ZNF667: variants seen among roughly 807,000 people sequenced by gnomAD.
ZNF667 encodes the protein zinc finger protein 667.
A neutral mutation model predicts 31.8 loss-of-function variants in ZNF667; 13 were observed. That is an observed-to-expected ratio of 0.41 (90% CI 0.27 to 0.65). The LOEUF (loss-of-function observed/expected upper bound fraction) is 0.65. ZNF667 is among the 30% of genes least tolerant of loss of function. ZNF667 has a pLI of 0.32. For synonymous variants in ZNF667, 228 were observed against 247.1 expected (o/e 0.92, Z 0.73); for missense variants, 642 against 725.6 (o/e 0.88, Z 1.32).
chr19:56,472,648 CT>C (rs2043317204), intron 2 of ZNF667: 1 of 152,078 alleles, frequency 6.6e-6, no homozygotes, highest in South Asian at 2.1e-4. Flanking sequence ...ATATATTTTC[CT>C]TATGATTTTC....
chr19:56,462,796 C>T (rs1020293949), intron 3 of ZNF667, among the ~76,000 whole-genome samples: 1 of 152,206 alleles, frequency 6.6e-6, no homozygotes, highest in African/African-American at 2.4e-5. Flanking sequence ...AAGCACCTTA[C>T]ATTCCAGTAG....
chr19:56,469,914 C>T (rs543777195), intron 3 of ZNF667: 47 of 491,240 alleles, frequency 9.6e-5, no homozygotes, highest in African/African-American at 8.3e-4. Flanking sequence ...CTTCCCTCAC[C>T]CACTAAACCG....
chr19:56,462,842 T>C (rs2043076070), intron 3 of ZNF667, among the ~76,000 whole-genome samples: 1 of 152,126 alleles, frequency 6.6e-6, no homozygotes, highest in Non-Finnish European at 1.5e-5. Flanking sequence ...ATGATGGACA[T>C]GGTCATTGCT....
intron 4 of ZNF667, 109 bp downstream of exon 4, chr19:56,462,229 G>A: frequency 7.2e-7 from 1 of 1,390,906 alleles, no homozygotes; most frequent in African/African-American, 1.4e-5. Flanking sequence ...AAGACTAGGT[G>A]TTGGATGGAT....
At position 56,470,034 on chromosome 19, in the gene ZNF667, A is replaced by G. The variant is rs1473739454; in HGVS notation, c.-60+1665T>C. ...TTTATCTCTTGTCCTCCACCGGACA[A>G]TGCATTGACCAATGTTCTCATGTGT... is the stretch of plus-strand genomic sequence containing the variant. On this transcript the variant is annotated intron_variant, in intron 3 of 6. Coordinates refer to ENST00000504904, the MANE Select transcript of ZNF667 (RefSeq NM_001321356.2). The G allele has an allele frequency of 1.3e-5, 6 of 457,850 alleles. No individual in the cohort carries two copies. In the Admixed American group the frequency reaches 1.4e-4, roughly 11 times the overall value. The allele number at this position is 457,850 out of a possible 1,614,324, so 28.4% of individuals were successfully genotyped here.
At chr19:56,462,284 A>G in intron 4 of ZNF667, 54 bp downstream of exon 4, 1 of 1,609,088 alleles carries the variant, frequency 6.2e-7, no homozygotes, top group East Asian at 2.2e-5. Context: ...CAAATGGTCC[A>G]CATCTCACAA....
At chr19:56,447,562 G>GT (rs553084033) in intron 6 of ZNF667, among the ~76,000 whole-genome samples, 4 of 152,078 alleles carry the variant, frequency 2.6e-5, no homozygotes, top group Admixed American at 1.3e-4. Context: ...TCCAGCCTGG[G>GT]TAACAGAAGA....
In ZNF667 at chr19:56,442,159, T is replaced by G. The variant is rs2042620309; in HGVS notation, c.836A>C (p.Lys279Thr). Residue 279 changes from lysine to threonine, a missense_variant, in exon 7 of 7, where the codon AAA (lysine) becomes ACA (threonine). By Grantham distance (78) the Lys-to-Thr change is moderately conservative (BLOSUM62 -1). Coordinates refer to ENST00000504904, the MANE Select transcript of ZNF667 (RefSeq NM_001321356.2). ...LLHKKIHNGK[K>T]THKYNKCGRG... ...CCCACATTTATTATATTTATGTGTT[T>G]TCTTTCCATTGTGAATTTTCTTATG... is the stretch of plus-strand genomic sequence containing the variant. 6.2e-7 allele frequency: 1 copy of G among 1,613,488 alleles called. No individual in the cohort carries two copies. Among genetic ancestry groups the G allele is most frequent in the Non-Finnish European group, 8.5e-7 (1 of 1,179,842 alleles).
chr19:56,470,922 G>T (rs1300690412), intron 3 of ZNF667, among the ~76,000 whole-genome samples: 2 of 152,124 alleles, frequency 1.3e-5, no homozygotes, highest in East Asian at 1.9e-4. Context: ...TGCTGCAGGG[G>T]TGATTTATAG....
intron 3 of ZNF667, chr19:56,469,032 T>G (rs1405999693): frequency 6.6e-6 from 1 of 152,248 alleles, no homozygotes; most frequent in African/African-American, 2.4e-5. Flanking sequence ...CTTCCACTAT[T>G]TCCTTCCAGT....
At chr19:56,470,982 T>C (rs1023213564) in intron 3 of ZNF667, among the ~76,000 whole-genome samples, 6 of 152,160 alleles carry the variant, frequency 3.9e-5, no homozygotes, top group African/African-American at 1.4e-4. Flanking sequence ...TGGATCTGTG[T>C]CCCCATCCAA....
intron 3 of ZNF667, among the ~76,000 whole-genome samples, chr19:56,469,102 T>C (rs2043229394): frequency 6.6e-6 from 1 of 152,204 alleles, no homozygotes; most frequent in African/African-American, 2.4e-5. Context: ...ACATCTGTAA[T>C]TCAGGGGAAT....
At chr19:56,465,332 A>G (rs1474791719) in intron 3 of ZNF667, among the ~76,000 whole-genome samples, 1 of 152,226 alleles carries the variant, frequency 6.6e-6, no homozygotes, top group Non-Finnish European at 1.5e-5. Context: ...TTGAGTTCAG[A>G]GTTAGGTAAT....
rs71352888 is a variant in ZNF667, at chr19:56,440,836, C to T, written c.*326G>A. On this transcript the variant is annotated 3_prime_UTR_variant, in exon 7 of 7. Transcript: ENST00000504904. ...TTTTTTAGTAGAGACAGGGTTTCACCGTGGTCTCAAACTCTTGACCTCGTG... is the reference window on the plus strand; with the variant it reads ...TTTTTTAGTAGAGACAGGGTTTCACTGTGGTCTCAAACTCTTGACCTCGTG... The T allele has an allele frequency of 4.4e-3, 3,884 of 880,858 alleles. 12 individuals carry two copies. The highest frequency in any genetic ancestry group is 5.7e-3 in the Middle Eastern group (11 of 1,930). 54.6% of individuals were successfully genotyped at this position (880,858 alleles called of 1,614,324 possible).
intron 3 of ZNF667, 120 bp from the exon 4 acceptor site, chr19:56,462,549 A>G (rs2043069302): frequency 3.0e-6 from 2 of 670,336 alleles, no homozygotes; most frequent in Non-Finnish European, 5.4e-6. Context: ...ACACACACAG[A>G]TGTCAGAACA....
intron 1 of ZNF667, chr19:56,475,131 T>C (rs1397202911): frequency 6.6e-6 from 1 of 152,274 alleles, no homozygotes; most frequent in Non-Finnish European, 1.5e-5. Context: ...AAACACCCTG[T>C]AATCCCTTTA....
intron 6 of ZNF667, among the ~76,000 whole-genome samples, chr19:56,446,074 T>C (rs1271283025): frequency 6.6e-6 from 1 of 152,262 alleles, no homozygotes; most frequent in Non-Finnish European, 1.5e-5. Flanking sequence ...TATTTGAATG[T>C]GGATACTAAA....
intron 6 of ZNF667, among the ~76,000 whole-genome samples, chr19:56,448,408 A>G (rs1177203621): frequency 6.6e-6 from 1 of 152,168 alleles, no homozygotes; most frequent in East Asian, 1.9e-4. Context: ...AGTCTAGGCC[A>G]CAAGGACTGC....
chr19:56,453,293 TAAAA>T (rs1271265942), intron 6 of ZNF667, among the ~76,000 whole-genome samples: 1 of 151,938 alleles, frequency 6.6e-6, no homozygotes, highest in Non-Finnish European at 1.5e-5. Flanking sequence ...ACCAAATACT[TAAAA>T]AAACCTAATA....
Sources: allele counts gnomAD v4.1 joint callset (sites outside exome capture counted in the v4.1 genomes callset), GRCh38; gene constraint gnomAD v4.1.1; transcripts MANE v1.5; gene names NCBI Gene and HGNC (gene_info 2026-07-23, HGNC 2026-07-21).